VWA8: variants seen among roughly 807,000 people sequenced by gnomAD.
The protein encoded by VWA8 is von Willebrand factor A domain-containing protein 8.
A neutral mutation model predicts 241.5 loss-of-function variants in VWA8; 221 were observed. The observed-to-expected ratio is 0.91, with a 90% CI of 0.82 to 1.02. The LOEUF (loss-of-function observed/expected upper bound fraction) is 1.02, where lower values mean the gene tolerates loss of function less well. Among genes scored for constraint, VWA8 ranks in the 50% least tolerant of loss-of-function variants. The pLI, the probability that VWA8 is intolerant of heterozygous loss-of-function variation, is 0.00. For missense variants in VWA8, 2,322 were observed against 2,328.7 expected, an observed-to-expected ratio of 1.00 and a Z score of 0.06; for synonymous variants, 852 against 827.1, an observed-to-expected ratio of 1.03 and a Z score of -0.52.
intron 21 of VWA8, among the ~76,000 whole-genome samples, chr13:41,743,292 T>C (rs1023268852): frequency 3.3e-5 from 5 of 152,194 alleles, no homozygotes; most frequent in Non-Finnish European, 7.4e-5. Context: ...ACTGCAATAG[T>C]TCAGGCAAGA....
At chr13:41,784,689 T>C (rs1238241494) in intron 18 of VWA8, among the ~76,000 whole-genome samples, 6 of 69,876 alleles carry the variant, frequency 8.6e-5, no homozygotes, top group East Asian at 3.9e-4. Flanking sequence ...TTTATACATA[T>C]ACATATACAT....
At chr13:41,659,253 T>C (rs1044865539) in intron 37 of VWA8, among the ~76,000 whole-genome samples, 1 of 152,218 alleles carries the variant, frequency 6.6e-6, no homozygotes, top group African/African-American at 2.4e-5. Context: ...TAAGTTATGA[T>C]ACATTTAAAA....
intron 21 of VWA8, among the ~76,000 whole-genome samples, chr13:41,744,492 T>A (rs1315455478): frequency 2.0e-5 from 3 of 152,218 alleles, no homozygotes; most frequent in Non-Finnish European, 4.4e-5. Flanking sequence ...ACTACTAATT[T>A]AAGCCCCTCA....
intron 40 of VWA8, among the ~76,000 whole-genome samples, chr13:41,598,649 T>C (rs984659450): frequency 2.6e-5 from 4 of 152,048 alleles, no homozygotes; most frequent in African/African-American, 9.7e-5. Context: ...CAAATATCTG[T>C]CACCTTTGTA....
chr13:41,702,224 C>T (rs2045254846), intron 27 of VWA8, among the ~76,000 whole-genome samples: 1 of 152,118 alleles, frequency 6.6e-6, no homozygotes, highest in Non-Finnish European at 1.5e-5. Flanking sequence ...CCCTACAGTC[C>T]TTAATTAATC....
At chr13:41,656,150 G>A (rs2044903373) in intron 37 of VWA8, among the ~76,000 whole-genome samples, 1 of 152,202 alleles carries the variant, frequency 6.6e-6, no homozygotes, top group Non-Finnish European at 1.5e-5. Context: ...TATTGTGTCA[G>A]ATTTTTCTCT....
At chr13:41,712,554 T>C (rs781071748) in intron 26 of VWA8, among the ~76,000 whole-genome samples, 18 of 152,134 alleles carry the variant, frequency 1.2e-4, no homozygotes, top group Non-Finnish European at 2.2e-4. Context: ...TGGTAGAAAA[T>C]AGAATTTGAA....
chr13:41,726,117 T>C (rs1278813138), intron 24 of VWA8, among the ~76,000 whole-genome samples: 1 of 152,180 alleles, frequency 6.6e-6, no homozygotes, highest in African/African-American at 2.4e-5. Flanking sequence ...AATTACTATT[T>C]TGAGTATTGA....
chr13:41,926,971 A>T, intron 2 of VWA8: 1 of 503,340 alleles, frequency 2.0e-6, no homozygotes, highest in Admixed American at 2.2e-5. Context: ...TTAATCTGTG[A>T]TCATCCACAG....
chr13:41,569,346 T>G (rs1190633743), intron 44 of VWA8, among the ~76,000 whole-genome samples: 1 of 152,248 alleles, frequency 6.6e-6, no homozygotes, highest in Non-Finnish European at 1.5e-5. Flanking sequence ...GGGCTGATGC[T>G]GAGGAAAACC....
chr13:41,792,948 A>G (rs1237472302), intron 17 of VWA8, among the ~76,000 whole-genome samples: 1 of 152,040 alleles, frequency 6.6e-6, no homozygotes, highest in East Asian at 1.9e-4. Context: ...TAAATAATTT[A>G]TTTGTATTTT....
At chr13:41,912,980 T>A (rs991856912) in intron 2 of VWA8, among the ~76,000 whole-genome samples, 23 of 152,124 alleles carry the variant, frequency 1.5e-4, no homozygotes, top group African/African-American at 5.3e-4. Context: ...GAGACATGTA[T>A]AATACTCAGA....
chr13:41,570,454 C>A lies in VWA8; in HGVS notation c.5609+14G>T. On this transcript the variant is annotated intron_variant, in intron 44 of 44. Transcript: ENST00000379310. ...CTGTACCTGCCCTTTTCTGTATGCTCAGATGACACTTACCTGGTTGCTTGA... is the reference window on the plus strand; with the variant it reads ...CTGTACCTGCCCTTTTCTGTATGCTAAGATGACACTTACCTGGTTGCTTGA... The A allele has an allele frequency of 1.2e-6, 2 of 1,609,320 alleles. No homozygotes were observed. Among genetic ancestry groups the A allele is most frequent in the South Asian group, 2.2e-5 (2 of 90,906 alleles).
intron 43 of VWA8, among the ~76,000 whole-genome samples, chr13:41,573,486 A>AAAATAAATAAATAAATAAATATATAT: frequency 1.8e-5 from 2 of 113,614 alleles, no homozygotes; most frequent in African/African-American, 3.4e-5. Flanking sequence ...AAAAAAAAAA[A>AAAATAAATAAATAAATAAATATATAT]ATATATATAT....
chr13:41,678,590 T>C (rs1439849906), intron 35 of VWA8, among the ~76,000 whole-genome samples: 13 of 152,240 alleles, frequency 8.5e-5, no homozygotes, highest in African/African-American at 2.9e-4. Context: ...TTAGAGGCAC[T>C]TTTACAAATA....
At chr13:41,632,072 C>T (rs1198491839) in intron 37 of VWA8, among the ~76,000 whole-genome samples, 1 of 152,186 alleles carries the variant, frequency 6.6e-6, no homozygotes, top group Non-Finnish European at 1.5e-5. Context: ...CATCAGACCT[C>T]CATAGCCAAG....
At chr13:41,863,473 T>A (rs1370257649) in intron 12 of VWA8, among the ~76,000 whole-genome samples, 3 of 123,782 alleles carry the variant, frequency 2.4e-5, no homozygotes, top group African/African-American at 5.5e-5. Flanking sequence ...ACACACACAC[T>A]ATATATATTA....
chr13:41,870,228 G>C (rs2138056475), intron 9 of VWA8, among the ~76,000 whole-genome samples: 1 of 151,208 alleles, frequency 6.6e-6, no homozygotes, highest in Admixed American at 6.6e-5. Context: ...CCATGTTGTA[G>C]ACAAATAACA....
chr13:41,629,539 TTAA>T (rs1185860147), intron 37 of VWA8, among the ~76,000 whole-genome samples: 1 of 152,170 alleles, frequency 6.6e-6, no homozygotes, highest in Non-Finnish European at 1.5e-5. Flanking sequence ...TATGCTAACA[TTAA>T]TAAATCATAA....
Sources: gnomAD v4.1 joint callset for allele counts (sites outside exome capture counted in the v4.1 genomes callset) on GRCh38, gnomAD v4.1.1 for gene constraint, MANE v1.5 for transcripts, NCBI Gene and HGNC (gene_info 2026-07-23, HGNC 2026-07-21) for gene names.